NPHP4: variants seen among roughly 807,000 people sequenced by gnomAD.
NPHP4 encodes the protein nephrocystin 4.
Under a neutral mutation model 155.8 loss-of-function variants are expected in NPHP4, and 151 were observed. The observed-to-expected ratio is 0.97, with a 90% CI of 0.85 to 1.11. The LOEUF (loss-of-function observed/expected upper bound fraction) is 1.11, where lower values mean the gene tolerates loss of function less well. Among genes scored for constraint, NPHP4 ranks in the 50% least tolerant of loss-of-function variants. The pLI is 0.00. For missense variants in NPHP4, 1,956 were observed against 1,925.7 expected (o/e 1.02, Z -0.29); for synonymous variants, 845 against 816.8 (o/e 1.03, Z -0.59).
intron 19 of NPHP4, among the ~76,000 whole-genome samples, chr1:5,878,075 G>A (rs1642806209): frequency 6.6e-6 from 1 of 152,234 alleles, no homozygotes; most frequent in East Asian, 1.9e-4. Context: ...GCACAGGCAG[G>A]GCAGCTGAGA....
intron 7 of NPHP4, among the ~76,000 whole-genome samples, chr1:5,949,488 C>T (rs1647518111): frequency 6.6e-6 from 1 of 152,134 alleles, no homozygotes; most frequent in South Asian, 2.1e-4. Context: ...TCATTGTAAA[C>T]AAAACAAAGT....
chr1:5,982,354 A>G (rs557273169), intron 2 of NPHP4, among the ~76,000 whole-genome samples: 2 of 152,358 alleles, frequency 1.3e-5, no homozygotes, highest in East Asian at 3.9e-4. Flanking sequence ...TATTCAGTAC[A>G]GTAATGTGCC....
At chr1:5,933,035 A>G in intron 10 of NPHP4, 112 bp downstream of exon 10, 1 of 872,018 alleles carries the variant, frequency 1.1e-6, no homozygotes, top group South Asian at 2.1e-5. Flanking sequence ...TGACATGAAA[A>G]AAATTCTGTA....
chr1:5,898,512 G>C (rs532659809), intron 16 of NPHP4, among the ~76,000 whole-genome samples: 1 of 152,224 alleles, frequency 6.6e-6, no homozygotes. Context: ...GCCTTGGCAC[G>C]AGCCCCCCAG....
In NPHP4 at chr1:5,964,941, A is replaced by ATATATATTTTTTTTT; in HGVS notation, c.517+2357_517+2358insAAAAAAAAATATATA. ...ATTATATATATATATATATATATATATTTTTTTTTTTTGAGGCAGGGTCTC... is the reference window on the plus strand; with the variant it reads ...ATTATATATATATATATATATATATATATATATTTTTTTTTTTTTTTTTTTTTGAGGCAGGGTCTC... On this transcript the variant is annotated intron_variant, in intron 5 of 29. Coordinates refer to ENST00000378156, the MANE Select transcript of NPHP4 (RefSeq NM_015102.5). 4.8e-3 allele frequency among the ~76,000 whole-genome samples: 285 copies of ATATATATTTTTTTTT among 59,284 alleles called. 7 individuals are homozygous for ATATATATTTTTTTTT. The highest frequency in any genetic ancestry group is 6.6e-3 in the Non-Finnish European group (229 of 34,884). The allele number at this position is 59,284 out of a possible 152,430, so 38.9% of individuals were successfully genotyped here.
chr1:5,893,295 G>A (rs750503443), intron 16 of NPHP4, among the ~76,000 whole-genome samples: 32 of 152,222 alleles, frequency 2.1e-4, no homozygotes, highest in South Asian at 8.3e-4. Context: ...CCACCAATGC[G>A]CAGAGACCGG....
chr1:5,863,662 A>G (rs539568341), intron 29 of NPHP4: 34 of 622,784 alleles, frequency 5.5e-5, no homozygotes, highest in African/African-American at 9.2e-5. Flanking sequence ...TACCATGAAA[A>G]GCCCTGGGCA....
At chr1:5,964,927 A>ATTTTTT in intron 5 of NPHP4, among the ~76,000 whole-genome samples, 1 of 27,016 alleles carries the variant, frequency 3.7e-5, no homozygotes, top group Non-Finnish European at 6.2e-5. Flanking sequence ...TTATATATAT[A>ATTTTTT]TATATATATA....
intron 6 of NPHP4, among the ~76,000 whole-genome samples, chr1:5,960,076 T>G (rs1650021894): frequency 6.6e-6 from 1 of 152,220 alleles, no homozygotes; most frequent in Non-Finnish European, 1.5e-5. Context: ...ACACAGGTTT[T>G]CATGTTCTCT....
At chr1:5,887,076 CCCAATCAGAAATT>C in intron 18 of NPHP4, 197 bp downstream of exon 18, 1 of 577,950 alleles carries the variant, frequency 1.7e-6, no homozygotes, top group South Asian at 2.3e-5. Flanking sequence ...GACCTCTAAC[CCCAATCAGAAATT>C]CAGAATGCAA....
chr1:5,912,491 T>A (rs1435612832), intron 11 of NPHP4, among the ~76,000 whole-genome samples: 2 of 138,114 alleles, frequency 1.4e-5, no homozygotes, highest in African/African-American at 5.5e-5. Flanking sequence ...TGAGCCGAGA[T>A]CGCGCCACTG....
chr1:5,927,872 G>T (rs1328217964), intron 10 of NPHP4, 85 bp from the exon 11 acceptor site: 3 of 1,405,210 alleles, frequency 2.1e-6, no homozygotes, highest in African/African-American at 2.8e-5. Flanking sequence ...AGCAGGCTCT[G>T]CCCTAAAACA....
At chr1:5,926,546 T>C (rs1299459931) in intron 11 of NPHP4, among the ~76,000 whole-genome samples, 4 of 152,222 alleles carry the variant, frequency 2.6e-5, no homozygotes, top group African/African-American at 9.6e-5. Flanking sequence ...ACAATTTACA[T>C]AGCATTTGCA....
intron 7 of NPHP4, among the ~76,000 whole-genome samples, chr1:5,948,949 A>G (rs906928886): frequency 6.6e-6 from 1 of 152,224 alleles, no homozygotes. Context: ...TCTTTGCAAA[A>G]TGATCCTCAA....
At position 5,900,396 on chromosome 1, in the gene NPHP4, C is replaced by T. The variant is rs115184270; in HGVS notation, c.2143+4221G>A. 1.7e-3 allele frequency among the ~76,000 whole-genome samples: 264 copies of T among 152,212 alleles called. 1 individual carries two copies. The highest frequency in any genetic ancestry group is 5.9e-3 in the African/African-American group (247 of 41,524). ...TTCAGCAATCCAATACGTGAGTGAGCGAGACACAAAAAGCCATGGAGGAAC... is the reference window on the plus strand; with the variant it reads ...TTCAGCAATCCAATACGTGAGTGAGTGAGACACAAAAAGCCATGGAGGAAC... On this transcript the variant is annotated intron_variant, in intron 16 of 29. Transcript: ENST00000378156.
chr1:5,979,444 G>C (rs1217914792), intron 2 of NPHP4, among the ~76,000 whole-genome samples: 3 of 152,210 alleles, frequency 2.0e-5, no homozygotes, highest in African/African-American at 7.2e-5. Context: ...CAGGCAGGAG[G>C]AGCAGCAAAC....
intron 11 of NPHP4, among the ~76,000 whole-genome samples, chr1:5,920,057 G>A (rs770016220): frequency 6.2e-4 from 94 of 152,042 alleles, no homozygotes; most frequent in African/African-American, 1.7e-3. Flanking sequence ...CCAGCCTCCC[G>A]AGTAGCTGGG....
intron 16 of NPHP4, among the ~76,000 whole-genome samples, chr1:5,901,752 A>G (rs563415601): frequency 3.3e-5 from 5 of 152,340 alleles, no homozygotes; most frequent in African/African-American, 1.2e-4. Flanking sequence ...AATGGGAAAC[A>G]GAGTGGGGAA....
chr1:5,913,963 G>A (rs1328890210), intron 11 of NPHP4, among the ~76,000 whole-genome samples: 1 of 151,994 alleles, frequency 6.6e-6, no homozygotes, highest in Non-Finnish European at 1.5e-5. Flanking sequence ...CAACCCCATG[G>A]CCGCCAGGCA....
Sources: allele counts gnomAD v4.1 joint callset (sites outside exome capture counted in the v4.1 genomes callset), GRCh38; gene constraint gnomAD v4.1.1; transcripts MANE v1.5; gene names NCBI Gene and HGNC (gene_info 2026-07-23, HGNC 2026-07-21).